Variants in STPG2 observed in about 807,000 individuals in gnomAD.
STPG2 encodes the protein sperm-tail PG-rich repeat-containing protein 2.
STPG2 carries 56 observed loss-of-function variants against 54.2 expected under a neutral mutation model. The ratio of observed to expected loss-of-function variants is 1.03; its 90% CI spans 0.83 to 1.29. STPG2 has a LOEUF of 1.29. STPG2 is among the 50% of genes most tolerant of loss of function. The pLI, the probability that STPG2 is intolerant of heterozygous loss-of-function variation, is 0.00. For synonymous variants in STPG2, 200 were observed against 181.8 expected (o/e 1.10, Z -0.81); for missense variants, 596 against 544.9 (o/e 1.09, Z -0.93).
At chr4:98,027,486 TATGG>T (rs1736462072) in intron 5 of STPG2, among the ~76,000 whole-genome samples, 1 of 152,174 alleles carries the variant, frequency 6.6e-6, no homozygotes, top group African/African-American at 2.4e-5. Context: ...AAAAATCAGA[TATGG>T]ATGAAATTCT....
intron 4 of STPG2, among the ~76,000 whole-genome samples, chr4:97,507,250 G>T (rs1730870208): frequency 6.6e-6 from 1 of 151,898 alleles, no homozygotes; most frequent in Non-Finnish European, 1.5e-5. Context: ...ACCAAAATAT[G>T]CCAGTAACTT....
At chr4:97,581,613 T>C (rs1247436607) in intron 10 of STPG2, among the ~76,000 whole-genome samples, 2 of 152,092 alleles carry the variant, frequency 1.3e-5, no homozygotes, top group Non-Finnish European at 2.9e-5. Context: ...TATTAGAACA[T>C]TTATCATTTA....
chr4:98,039,060 G>T (rs1339727720), intron 5 of STPG2, among the ~76,000 whole-genome samples: 2 of 151,918 alleles, frequency 1.3e-5, no homozygotes, highest in Non-Finnish European at 2.9e-5. Context: ...CATTAGGAAA[G>T]AAATTGGTAA....
At position 97,729,059 on chromosome 4, in the gene STPG2, G is replaced by GAATT. The variant is rs1428071163; in HGVS notation, c.1205-16249_1205-16246dup. 5.7e-5 allele frequency among the ~76,000 whole-genome samples: 3 copies of GAATT among 52,300 alleles called. No individual in the cohort carries two copies. The Admixed American group carries it at 8.0e-4, about 14-fold the overall frequency. 34.3% of individuals were successfully genotyped at this position (52,300 alleles called of 152,430 possible). On this transcript the variant is annotated intron_variant, in intron 9 of 10. Coordinates refer to ENST00000295268, the MANE Select transcript of STPG2 (RefSeq NM_174952.3). ...CATTCCACTGATGACAAGGCCCCAA[G>GAATT]AATTTCTCTCTCTCTCTCTCTCTCT... is the stretch of plus-strand genomic sequence containing the variant.
At chr4:98,092,302 A>G (rs1345375600) in intron 5 of STPG2, among the ~76,000 whole-genome samples, 1 of 152,096 alleles carries the variant, frequency 6.6e-6, no homozygotes, top group African/African-American at 2.4e-5. Context: ...GTGAGCAATC[A>G]GAATTTGAGA....
At chr4:97,650,400 C>T (rs1220311966) in intron 10 of STPG2, among the ~76,000 whole-genome samples, 2 of 152,042 alleles carry the variant, frequency 1.3e-5, no homozygotes, top group Admixed American at 6.6e-5. Flanking sequence ...CAGGGTGAGG[C>T]TTGGTTTTAT....
At chr4:97,787,367 T>A (rs1726858993) in intron 9 of STPG2, among the ~76,000 whole-genome samples, 1 of 152,228 alleles carries the variant, frequency 6.6e-6, no homozygotes, top group African/African-American at 2.4e-5. Context: ...GTTAAATGCC[T>A]TTTTCGCCCC....
chr4:97,972,043 C>A (rs187716653), intron 7 of STPG2, among the ~76,000 whole-genome samples: 5 of 152,156 alleles, frequency 3.3e-5, no homozygotes, highest in Non-Finnish European at 2.9e-5. Context: ...ATCCCCAGAG[C>A]ATATTTTTTC....
At chr4:97,817,558 C>T (rs1727954146) in intron 9 of STPG2, among the ~76,000 whole-genome samples, 1 of 151,900 alleles carries the variant, frequency 6.6e-6, no homozygotes, top group South Asian at 2.1e-4. Flanking sequence ...ACAGTTTTTA[C>T]TGTTGCATTT....
intron 10 of STPG2, among the ~76,000 whole-genome samples, chr4:97,568,162 T>C (rs1350387018): frequency 6.6e-6 from 1 of 152,164 alleles, no homozygotes; most frequent in African/African-American, 2.4e-5. Flanking sequence ...CGTTTGAACA[T>C]ACTTTAAAAA....
intron 7 of STPG2, among the ~76,000 whole-genome samples, chr4:97,971,977 G>A (rs13141752): frequency 0.39 from 59,237 of 151,660 alleles, 11,686 homozygotes; most frequent in Middle Eastern, 0.46. Flanking sequence ...TGTTCTTTGT[G>A]CTACGTGGTT....
intron 8 of STPG2, among the ~76,000 whole-genome samples, chr4:97,934,455 G>A (rs1316339381): frequency 1.3e-5 from 2 of 152,150 alleles, no homozygotes; most frequent in African/African-American, 4.8e-5. Context: ...TAAGGAGAAT[G>A]CTTCCAGCTT....
At chr4:97,532,244 A>G (rs1182133681) in intron 4 of STPG2, among the ~76,000 whole-genome samples, 2 of 152,080 alleles carry the variant, frequency 1.3e-5, no homozygotes, top group African/African-American at 2.4e-5. Flanking sequence ...TCATAGTTCA[A>G]TATATGTTTT....
intron 9 of STPG2, among the ~76,000 whole-genome samples, chr4:97,789,810 C>T (rs778232396): frequency 3.9e-5 from 6 of 152,178 alleles, no homozygotes; most frequent in Middle Eastern, 3.4e-3. Context: ...CTGTACAAAG[C>T]GGGCTAGGCC....
intron 8 of STPG2, among the ~76,000 whole-genome samples, chr4:97,921,164 A>G (rs956340903): frequency 6.6e-6 from 1 of 152,122 alleles, no homozygotes; most frequent in African/African-American, 2.4e-5. Flanking sequence ...GTCTCCTCAT[A>G]GGGGGAAGGA....
At chr4:97,787,057 T>A (rs774950081) in intron 9 of STPG2, among the ~76,000 whole-genome samples, 4 of 152,136 alleles carry the variant, frequency 2.6e-5, no homozygotes, top group Admixed American at 1.3e-4. Flanking sequence ...ATGTTTTATT[T>A]GACCTTTCAT....
chr4:97,660,265 TGCTGGGATTACAGGCGTGAGCCACCGC>T (rs1722340914), intron 10 of STPG2, among the ~76,000 whole-genome samples: 2 of 152,222 alleles, frequency 1.3e-5, no homozygotes, highest in Non-Finnish European at 2.9e-5. Context: ...CTTCCCGAAG[TGCTGGGATTACAGGCGTGAGCCACCGC>T]GCCGGCCTGT....
chr4:97,975,314 A>G (rs1331800600), intron 6 of STPG2, among the ~76,000 whole-genome samples: 2 of 152,212 alleles, frequency 1.3e-5, no homozygotes, highest in Non-Finnish European at 2.9e-5. Context: ...GAAATAAATA[A>G]ATAAATCTCA....
At position 97,607,610 on chromosome 4, in the gene STPG2, G is replaced by T. The variant is rs1429072332; in HGVS notation, c.1321-48493C>A. 4.6e-5 allele frequency among the ~76,000 whole-genome samples: 7 copies of T among 152,012 alleles called. No individual in the cohort carries two copies. In the East Asian group the frequency reaches 1.2e-3, roughly 25 times the overall value. ...GACTTACAGGTTTTGGAAATACATTGCCCGAACTAACTAGATGCCTAGATA... is the reference window on the plus strand; with the variant it reads ...GACTTACAGGTTTTGGAAATACATTTCCCGAACTAACTAGATGCCTAGATA... On this transcript the variant is annotated intron_variant, in intron 10 of 10. Transcript: ENST00000295268.
Sources: gnomAD v4.1 joint callset for allele counts (sites outside exome capture counted in the v4.1 genomes callset) on GRCh38, gnomAD v4.1.1 for gene constraint, MANE v1.5 for transcripts, NCBI Gene and HGNC (gene_info 2026-07-23, HGNC 2026-07-21) for gene names.